Variants in GNAS observed in about 807,000 individuals in gnomAD.
The protein encoded by GNAS is protein ALEX.
GNAS carries 8 observed loss-of-function variants against 54.5 expected under a neutral mutation model. That is an observed-to-expected ratio of 0.15 (90% CI 0.09 to 0.26). GNAS has a LOEUF of 0.26. GNAS is among the 10% of genes least tolerant of loss of function. The probability of loss-of-function intolerance (pLI) is 1.00; values close to 1 mark genes in which losing one functional copy is unlikely to be tolerated. For missense variants in GNAS, 170 were observed against 529.8 expected (o/e 0.32, Z 6.67); for synonymous variants, 204 against 191.4 (o/e 1.07, Z -0.54).
chr20:58,890,026 G>T (rs1404786209), upstream of GNAS, among the ~76,000 whole-genome samples: 1 of 151,674 alleles, frequency 6.6e-6, no homozygotes, highest in African/African-American at 2.4e-5. Flanking sequence ...CCGCGGAAGA[G>T]CGGGGACCCC....
chr20:58,870,467 T>A (rs1337019879), intron 1 of GNAS, among the ~76,000 whole-genome samples: 2 of 152,132 alleles, frequency 1.3e-5, no homozygotes, highest in Non-Finnish European at 2.9e-5. Context: ...CCACCAGAGG[T>A]CAGCAGAGAG....
chr20:58,902,753 T>TTTTTTTTTTCGG (rs2090743235), intron 3 of GNAS, among the ~76,000 whole-genome samples: 1 of 125,060 alleles, frequency 8.0e-6, no homozygotes, highest in East Asian at 2.1e-4. Flanking sequence ...TTTTTTTTTT[T>TTTTTTTTTTCGG]GACAGAGTCT....
At chr20:58,889,427 G>T, upstream of GNAS, 1 of 956,302 alleles carries the variant, frequency 1.0e-6, no homozygotes, top group Non-Finnish European at 1.2e-6. Context: ...CCGGGTCCGG[G>T]ACAAGGCAGG....
At chr20:58,854,189 G>T (rs1259384628) in intron 1 of GNAS, 2 of 1,613,044 alleles carry the variant, frequency 1.2e-6, no homozygotes, top group Non-Finnish European at 1.7e-6. Context: ...CCGGACCCCC[G>T]TTCGAGATTG....
At chr20:58,878,675 G>A (rs964836241) in intron 1 of GNAS, among the ~76,000 whole-genome samples, 7 of 152,132 alleles carry the variant, frequency 4.6e-5, no homozygotes, top group Non-Finnish European at 1.0e-4. Flanking sequence ...TACAGAGATG[G>A]AGGAACAGTG....
At chr20:58,876,499 G>A (rs762430301) in intron 1 of GNAS, 1 of 152,002 alleles carries the variant, frequency 6.6e-6, no homozygotes, top group African/African-American at 2.4e-5. Flanking sequence ...GTGTTAAAAA[G>A]ACCCCTACAT....
upstream of GNAS, among the ~76,000 whole-genome samples, chr20:58,887,080 A>T (rs1319022214): frequency 6.6e-6 from 1 of 152,196 alleles, no homozygotes; most frequent in African/African-American, 2.4e-5. Flanking sequence ...TTTAAAGTTC[A>T]GGTGTGATGT....
intron 6 of GNAS, chr20:58,908,805 G>A (rs1490918771): frequency 6.2e-6 from 2 of 320,822 alleles, no homozygotes; most frequent in Admixed American, 8.9e-5. Context: ...GCTAAGTAAA[G>A]AATAAAAAAG....
At chr20:58,901,941 C>T (rs1328705719) in intron 3 of GNAS, among the ~76,000 whole-genome samples, 3 of 150,252 alleles carry the variant, frequency 2.0e-5, no homozygotes, top group African/African-American at 2.5e-5. Flanking sequence ...CCTTAACTGT[C>T]GTGTTCTAGT....
chr20:58,858,074 G>A (rs961174718), intron 1 of GNAS, among the ~76,000 whole-genome samples: 4 of 152,184 alleles, frequency 2.6e-5, no homozygotes, highest in Admixed American at 6.5e-5. Flanking sequence ...CAGAGGTGAC[G>A]TACCTCTTCT....
chr20:58,909,511 T>C lies in GNAS; in HGVS notation c.660-10T>C. ...CCTCTGGAATAACCAGCTGTCCTCCTCCCCACCAGCATGTTTGACGTGGGT... is the reference window on the plus strand; with the variant it reads ...CCTCTGGAATAACCAGCTGTCCTCCCCCCCACCAGCATGTTTGACGTGGGT... On this transcript the variant is annotated splice_polypyrimidine_tract_variant and intron_variant, in intron 8 of 12. Coordinates refer to ENST00000371085, the MANE Select transcript of GNAS (RefSeq NM_000516.7). The surrounding 1 kb of genome is among the most constrained non-coding windows in gnomAD (Gnocchi z 7.3). The C allele has an allele frequency of 1.2e-6, 2 of 1,613,990 alleles. No individual in the cohort carries two copies. Among genetic ancestry groups the C allele is most frequent in the South Asian group, 2.2e-5 (2 of 91,072 alleles).
At chr20:58,899,550 T>C (rs949094267) in intron 3 of GNAS, 7 of 536,254 alleles carry the variant, frequency 1.3e-5, no homozygotes, top group East Asian at 9.1e-5. Context: ...AAAGGCACTT[T>C]ACGTTAGCTT....
At chr20:58,866,688 CTCA>C (rs149479128) in intron 1 of GNAS, among the ~76,000 whole-genome samples, 2,456 of 152,210 alleles carry the variant, frequency 0.016, 66 homozygotes, top group African/African-American at 0.055. Context: ...CTGAATTCAT[CTCA>C]TCAAGTTTTC....
At chr20:58,886,460 A>G (rs559763352), upstream of GNAS, among the ~76,000 whole-genome samples, 23 of 152,128 alleles carry the variant, frequency 1.5e-4, no homozygotes, top group Non-Finnish European at 2.8e-4. Flanking sequence ...TGAAATCTCC[A>G]TAACTCCCTT....
intron 1 of GNAS, among the ~76,000 whole-genome samples, chr20:58,871,031 GC>G (rs1381554956): frequency 6.6e-6 from 1 of 152,116 alleles, no homozygotes; most frequent in East Asian, 1.9e-4. Flanking sequence ...TAATCCCCCT[GC>G]TCCACAAACA....
rs1569029986 is a variant in GNAS, at chr20:58,909,905, G to GAA, written c.840-44_840-43dup. 6.2e-7 allele frequency: 1 copy of GAA among 1,613,510 alleles called. No individual in the cohort carries two copies. Among genetic ancestry groups the GAA allele is most frequent in the African/African-American group, 1.3e-5 (1 of 75,064 alleles). The stretch of plus-strand genomic sequence containing the variant: ...GTGCAAGCATTCCAGACCCCTGGCC[G>GAA]AAAGCGCGCTTCTCCCAAGCATTCA... On this transcript the variant is annotated intron_variant, in intron 10 of 12. Coordinates refer to ENST00000371085, the MANE Select transcript of GNAS (RefSeq NM_000516.7). The surrounding 1 kb of genome is among the most constrained non-coding windows in gnomAD (Gnocchi z 7.3).
In GNAS at chr20:58,891,595, C is replaced by T; in HGVS notation, c.-132C>T. On this transcript the variant is annotated 5_prime_UTR_variant, in exon 1 of 13. Transcript: ENST00000371085. The stretch of plus-strand genomic sequence containing the variant: ...CGCGGCCCGCAGTCCGCCCCGCGCG[C>T]TCCTTGCCGAGGAGCCGAGCCCGCG... 3.1e-5 allele frequency: 30 copies of T among 973,312 alleles called. No homozygotes were observed. Among genetic ancestry groups the T allele is most frequent in the Non-Finnish European group, 3.5e-5 (29 of 823,360 alleles). 60.3% of individuals were successfully genotyped at this position (973,312 alleles called of 1,614,324 possible). A position where few individuals can be genotyped will look rare whatever the true frequency, so the allele number is the denominator to read the frequency against.
At chr20:58,899,588 CT>C in intron 3 of GNAS, 1 of 562,032 alleles carries the variant, frequency 1.8e-6, no homozygotes, top group Non-Finnish European at 3.3e-6. Flanking sequence ...ATGATGGCAT[CT>C]TTTATTTTTC....
chr20:58,889,353 T>C (rs2088883176), upstream of GNAS: 1 of 983,814 alleles, frequency 1.0e-6, no homozygotes. Flanking sequence ...CTCACTCACA[T>C]GTAAGTCGGG....
Sources: gnomAD v4.1 joint callset for allele counts (sites outside exome capture counted in the v4.1 genomes callset) on GRCh38, gnomAD v4.1.1 for gene constraint, Gnocchi (gnomAD v3.1) non-coding constraint, MANE v1.5 for transcripts, NCBI Gene and HGNC (gene_info 2026-07-23, HGNC 2026-07-21) for gene names.